The following ARID2 variants were observed in gnomAD, a reference collection of about 807,000 sequenced individuals.
ARID2 encodes AT-rich interaction domain 2.
In ARID2, 32 loss-of-function variants were observed where a neutral mutation model predicts 184.6. The ratio of observed to expected loss-of-function variants is 0.17; its 90% confidence interval spans 0.13 to 0.23. ARID2 has a LOEUF of 0.23. ARID2 is among the 10% of genes least tolerant of loss of function. ARID2 has a pLI of 1.00. For synonymous variants in ARID2, 836 were observed against 772.6 expected (o/e 1.08, Z -1.36); for missense variants, 1,696 against 2,197.6 (o/e 0.77, Z 4.56).
In ARID2 at chr12:45,851,809, C is replaced by T. The variant is rs2138173863; in HGVS notation, c.3686C>T (p.Ser1229Leu). Residue 1229 changes from serine (S) to leucine (L), a missense_variant, in exon 15 of 21, where the codon TCA becomes TTA. Ser to Leu is a moderately radical substitution (Grantham distance 145). Coordinates refer to ENST00000334344, the MANE Select transcript of ARID2 (RefSeq NM_152641.4). ...ATQASPAGQSSCTTATPPFKG... is the reference protein window; with the variant it reads ...ATQASPAGQSLCTTATPPFKG... ...CAAGCATCTCCTGCTGGACAATCAT[C>T]ATGTACTACTGCTACTCCCCCATTC... is the stretch of plus-strand genomic sequence containing the variant. 6.2e-7 allele frequency: 1 copy of T among 1,614,142 alleles called. No individual in the cohort carries two copies. The highest frequency in any genetic ancestry group is 8.5e-7 in the Non-Finnish European group (1 of 1,180,010).
At chr12:45,787,877 G>A (rs1030549826) in intron 3 of ARID2, among the ~76,000 whole-genome samples, 20 of 152,096 alleles carry the variant, frequency 1.3e-4, no homozygotes, top group African/African-American at 4.8e-4. Context: ...GTCTTCTCTT[G>A]TTTTCCTACC....
chr12:45,846,216 A>G (rs1328099095), intron 11 of ARID2: 1 of 152,168 alleles, frequency 6.6e-6, no homozygotes, highest in African/African-American at 2.4e-5. Context: ...TATAATTCAA[A>G]TTTATTATTA....
chr12:45,817,941 T>A (rs1159475957), intron 5 of ARID2, 53 bp downstream of exon 5: 26 of 1,358,606 alleles, frequency 1.9e-5, no homozygotes, highest in Non-Finnish European at 2.2e-5. Flanking sequence ...GTTTTTTTTT[T>A]AAGGTTTTTA....
chr12:45,865,429 A>G (rs926737959), intron 16 of ARID2, among the ~76,000 whole-genome samples: 3 of 151,930 alleles, frequency 2.0e-5, no homozygotes, highest in Non-Finnish European at 2.9e-5. Flanking sequence ...TCTTTTTACA[A>G]TCATTTGTAA....
chr12:45,772,017 T>C (rs1941887499), intron 3 of ARID2, among the ~76,000 whole-genome samples: 1 of 152,062 alleles, frequency 6.6e-6, no homozygotes, highest in Non-Finnish European at 1.5e-5. Flanking sequence ...TAGAGCTATA[T>C]AGGAGTAACA....
chr12:45,733,971 GTT>G (rs1941059040), intron 3 of ARID2, among the ~76,000 whole-genome samples: 1 of 152,104 alleles, frequency 6.6e-6, no homozygotes. Flanking sequence ...CTGTATCAAA[GTT>G]TCTCACCTAC....
Position 45,851,802 on chromosome 12 carries a change from C to T in ARID2, c.3679C>T (p.Gln1227Ter), listed in dbSNP as rs1213601057. Reference sequence around the variant, plus strand: ...AGCCACTCAAGCATCTCCTGCTGGACAATCATCATGTACTACTGCTACTCC... The same window carrying T: ...AGCCACTCAAGCATCTCCTGCTGGATAATCATCATGTACTACTGCTACTCC... Reference protein sequence around the residue: ...LPATQASPAGQSSCTTATPPF... With the variant: ...LPATQASPAG Residue 1227 changes from glutamine to a stop codon, truncating the protein, a stop_gained, in exon 15 of 21, where the codon CAA (glutamine) becomes TAA (stop). Coordinates refer to ENST00000334344, the MANE Select transcript of ARID2 (RefSeq NM_152641.4). LOFTEE classifies it high-confidence loss of function. The T allele has an allele frequency of 6.2e-7, 1 of 1,614,110 alleles. No homozygotes were observed.
chr12:45,835,083 T>C (rs530530848), intron 6 of ARID2, among the ~76,000 whole-genome samples: 11 of 152,278 alleles, frequency 7.2e-5, no homozygotes, highest in East Asian at 1.9e-4. Context: ...TTCAAACTTA[T>C]TTACTTGCCC....
intron 3 of ARID2, among the ~76,000 whole-genome samples, chr12:45,762,572 T>C (rs1941702605): frequency 6.6e-6 from 1 of 152,238 alleles, no homozygotes; most frequent in African/African-American, 2.4e-5. Flanking sequence ...TTTCATGTGC[T>C]CTGTGCATCC....
At chr12:45,767,877 A>G (rs566459864) in intron 3 of ARID2, among the ~76,000 whole-genome samples, 2 of 152,354 alleles carry the variant, frequency 1.3e-5, no homozygotes, top group South Asian at 4.1e-4. Flanking sequence ...TTTGAGCTAT[A>G]CATTTAGTTG....
At chr12:45,763,055 A>G (rs1941709088) in intron 3 of ARID2, among the ~76,000 whole-genome samples, 1 of 152,232 alleles carries the variant, frequency 6.6e-6, no homozygotes, top group Admixed American at 6.5e-5. Flanking sequence ...TTGGGATAAG[A>G]CCAGGATTAT....
At chr12:45,884,220 A>AC (rs1368949988) in intron 16 of ARID2, among the ~76,000 whole-genome samples, 4 of 152,072 alleles carry the variant, frequency 2.6e-5, no homozygotes, top group Admixed American at 6.5e-5. Flanking sequence ...ACATAGTGAA[A>AC]CCCCATCTCT....
chr12:45,806,128 C>T (rs372269094), intron 3 of ARID2, among the ~76,000 whole-genome samples: 10 of 151,876 alleles, frequency 6.6e-5, no homozygotes, highest in African/African-American at 2.4e-4. Context: ...AACCTTTCTT[C>T]TCAAACTCTG....
At chr12:45,799,937 C>T (rs1942464035) in intron 3 of ARID2, among the ~76,000 whole-genome samples, 1 of 152,146 alleles carries the variant, frequency 6.6e-6, no homozygotes, top group East Asian at 1.9e-4. Flanking sequence ...GCATCTTCTA[C>T]TTCCCAGGCT....
At chr12:45,887,074 T>G (rs1365055233) in intron 16 of ARID2, among the ~76,000 whole-genome samples, 6 of 152,238 alleles carry the variant, frequency 3.9e-5, no homozygotes, top group Non-Finnish European at 8.8e-5. Context: ...TAGTAGCCTA[T>G]GTGAATATTT....
intron 3 of ARID2, among the ~76,000 whole-genome samples, chr12:45,802,151 C>G (rs1156886722): frequency 6.7e-6 from 1 of 149,076 alleles, no homozygotes; most frequent in African/African-American, 2.5e-5. Context: ...ACTGCATCCT[C>G]AACCTTCCGG....
intron 3 of ARID2, among the ~76,000 whole-genome samples, chr12:45,737,155 G>T (rs529901148): frequency 2.6e-5 from 4 of 152,238 alleles, no homozygotes; most frequent in African/African-American, 9.6e-5. Context: ...ACTATTGCTG[G>T]AATGGAAGTC....
rs559990624 is a variant in ARID2 at position 45,901,695 on chromosome 12, C to G, written c.5364-3239C>G. Among the ~76,000 whole-genome samples the G allele has an allele frequency of 9.2e-5, 14 of 152,198 alleles. No individual in the cohort carries two copies. The South Asian group carries it at 2.5e-3, about 27-fold the overall frequency. On this transcript the variant is annotated intron_variant, in intron 20 of 20. Coordinates refer to ENST00000334344, the MANE Select transcript of ARID2 (RefSeq NM_152641.4). ...CGCCCCCCAAGACAAGAGTCTTGCTCTGTTACCCAGGCTGGAGTTCAGTGG... is the reference window on the plus strand; with the variant it reads ...CGCCCCCCAAGACAAGAGTCTTGCTGTGTTACCCAGGCTGGAGTTCAGTGG...
At chr12:45,759,625 T>C (rs765480451) in intron 3 of ARID2, among the ~76,000 whole-genome samples, 4 of 152,228 alleles carry the variant, frequency 2.6e-5, no homozygotes, top group Non-Finnish European at 5.9e-5. Context: ...TTAGATCTCA[T>C]ATCTCTCGTA....
Sources: gnomAD v4.1 joint callset for allele counts (sites outside exome capture counted in the v4.1 genomes callset) on GRCh38, gnomAD v4.1.1 for gene constraint, MANE v1.5 for transcripts, NCBI Gene and HGNC (gene_info 2026-07-23, HGNC 2026-07-21) for gene names.